Variants in CBFB observed in about 807,000 individuals in gnomAD.
CBFB encodes the protein CBF-beta.
In CBFB, 9 loss-of-function variants were observed where a neutral mutation model predicts 30.4. That is an observed-to-expected ratio of 0.30 (90% CI 0.18 to 0.52). The LOEUF (loss-of-function observed/expected upper bound fraction) is 0.52, where lower values mean the gene tolerates loss of function less well. CBFB is among the 20% of genes least tolerant of loss of function. The probability of loss-of-function intolerance (pLI) is 0.97; values close to 1 mark genes in which losing one functional copy is unlikely to be tolerated. For synonymous variants in CBFB, 94 were observed against 84.0 expected, an observed-to-expected ratio of 1.12 and a Z score of -0.65; for missense variants, 170 against 244.0, an observed-to-expected ratio of 0.70 and a Z score of 2.02.
intron 5 of CBFB, among the ~76,000 whole-genome samples, chr16:67,085,758 A>G (rs1030244343): frequency 6.7e-6 from 1 of 149,728 alleles, no homozygotes; most frequent in African/African-American, 2.5e-5. Context: ...GCTCACTGCA[A>G]GCTCCGCCTC....
chr16:67,048,986 AT>A (rs1330246433), intron 3 of CBFB, among the ~76,000 whole-genome samples: 2 of 150,822 alleles, frequency 1.3e-5, no homozygotes, highest in Admixed American at 6.6e-5. Context: ...TGCTTGGCTA[AT>A]TTTTTGTATT....
intron 5 of CBFB, among the ~76,000 whole-genome samples, chr16:67,086,049 C>G (rs1961724888): frequency 6.6e-6 from 1 of 152,128 alleles, no homozygotes; most frequent in South Asian, 2.1e-4. Flanking sequence ...GGGCTGATAG[C>G]AGCTGAGGAT....
chr16:67,082,859 T>G (rs1248272240), intron 5 of CBFB, among the ~76,000 whole-genome samples: 2 of 152,174 alleles, frequency 1.3e-5, no homozygotes, highest in Admixed American at 6.5e-5. Flanking sequence ...CATTAACAAA[T>G]CTGTAGCTTC....
chr16:67,082,074 C>T, intron 4 of CBFB, 139 bp from the exon 5 acceptor site: 1 of 491,756 alleles, frequency 2.0e-6, no homozygotes. Flanking sequence ...CCGCCTCGGC[C>T]TCCCAAAGTG....
chr16:67,074,093 T>C (rs1961317559), intron 4 of CBFB, among the ~76,000 whole-genome samples: 1 of 151,926 alleles, frequency 6.6e-6, no homozygotes, highest in South Asian at 2.1e-4. Context: ...ACTTAGAAAA[T>C]CTAAGATAAT....
At chr16:67,085,160 G>C (rs1362995764) in intron 5 of CBFB, among the ~76,000 whole-genome samples, 2 of 151,256 alleles carry the variant, frequency 1.3e-5, no homozygotes, top group Non-Finnish European at 2.9e-5. Flanking sequence ...GTGTGTGTGT[G>C]TCTCTGTGTG....
In CBFB at chr16:67,037,702, C is replaced by G. The variant is rs1170863702; in HGVS notation, c.282+947C>G. ...TTTTTTTTTGAGATGGAGTCTCCCT[C>G]TGTTGCCCAGGCTGGAGTGCAGTGG... On this transcript the variant is annotated intron_variant, in intron 3 of 5. Transcript: ENST00000412916. 2.9e-5 allele frequency among the ~76,000 whole-genome samples: 4 copies of G among 138,716 alleles called. No individual in the cohort carries two copies. The East Asian group carries it at 6.3e-4, about 22-fold the overall frequency. 91.0% of individuals were successfully genotyped at this position (138,716 alleles called of 152,430 possible). A position where few individuals can be genotyped will look rare whatever the true frequency, so the allele number is the denominator to read the frequency against.
chr16:67,064,164 C>T (rs909152943), intron 3 of CBFB, among the ~76,000 whole-genome samples: 1 of 152,112 alleles, frequency 6.6e-6, no homozygotes, highest in African/African-American at 2.4e-5. Context: ...TATTCAGAAA[C>T]TCATGTTAAA....
intron 2 of CBFB, 151 bp downstream of exon 2, chr16:67,029,964 C>G (rs1966306233): frequency 2.0e-6 from 1 of 497,150 alleles, no homozygotes; most frequent in Non-Finnish European, 3.4e-6. Context: ...AATGCGAAAC[C>G]AGATGCCGCG....
intron 3 of CBFB, among the ~76,000 whole-genome samples, chr16:67,054,617 A>G (rs2145735510): frequency 6.6e-6 from 1 of 152,220 alleles, no homozygotes; most frequent in East Asian, 1.9e-4. Flanking sequence ...TGTTAGACCC[A>G]CAGGAATGAT....
chr16:67,065,385 G>A (rs1454723859), intron 3 of CBFB, among the ~76,000 whole-genome samples: 2 of 152,030 alleles, frequency 1.3e-5, no homozygotes, highest in African/African-American at 2.4e-5. Flanking sequence ...ACTTATTTTC[G>A]ATATTTCTCT....
intron 3 of CBFB, among the ~76,000 whole-genome samples, chr16:67,052,871 G>A (rs185447703): frequency 3.9e-5 from 6 of 152,144 alleles, no homozygotes; most frequent in East Asian, 1.9e-4. Context: ...GCTGAGGCAG[G>A]AGGATCCCTT....
chr16:67,029,422 G>A lies in CBFB; in HGVS notation c.15G>A (p.Val5=). MPRV[V]PDQRSKFENE... is the part of the protein sequence containing the mutation. Reference sequence around the variant, plus strand: ...AGGGCGGGAAGATGCCGCGCGTCGTGCCCGACCAGAGAAGCAAGTTCGAGA... The same window carrying A: ...AGGGCGGGAAGATGCCGCGCGTCGTACCCGACCAGAGAAGCAAGTTCGAGA... The change falls in exon 1 of 6, where the codon GTG becomes GTA. Residue 5 remains valine (V), a synonymous_variant. Transcript: ENST00000412916. 1 of 1,575,140 alleles carries A rather than the reference G, an allele frequency of 6.3e-7. No homozygotes were observed. The highest frequency in any genetic ancestry group is 8.6e-7 in the Non-Finnish European group (1 of 1,163,248).
intron 4 of CBFB, chr16:67,067,100 AG>A (rs1311300251): frequency 5.8e-6 from 1 of 172,074 alleles, no homozygotes; most frequent in Non-Finnish European, 1.2e-5. Context: ...TAGGGAAAAA[AG>A]AAAAAACTGT....
chr16:67,081,550 C>T (rs1230557796), intron 4 of CBFB, among the ~76,000 whole-genome samples: 1 of 151,912 alleles, frequency 6.6e-6, no homozygotes, highest in East Asian at 1.9e-4. Flanking sequence ...ACCTGTAATC[C>T]CAGCACTTTG....
chr16:67,060,815 C>CA (rs1960891561), intron 3 of CBFB, among the ~76,000 whole-genome samples: 1 of 152,300 alleles, frequency 6.6e-6, no homozygotes, highest in South Asian at 2.1e-4. Context: ...TCGCCTCCCA[C>CA]AGTGCTGGAA....
At chr16:67,035,855 A>C (rs1434854220) in intron 2 of CBFB, among the ~76,000 whole-genome samples, 1 of 152,162 alleles carries the variant, frequency 6.6e-6, no homozygotes, top group Admixed American at 6.5e-5. Context: ...GAAAGGGGTA[A>C]TGTCTTTGTT....
At chr16:67,077,657 T>C (rs1350678207) in intron 4 of CBFB, among the ~76,000 whole-genome samples, 1 of 152,196 alleles carries the variant, frequency 6.6e-6, no homozygotes, top group Non-Finnish European at 1.5e-5. Flanking sequence ...ATCAACTGTC[T>C]TGGAAAAAAA....
At chr16:67,055,568 T>A (rs1597137317) in intron 3 of CBFB, among the ~76,000 whole-genome samples, 2 of 151,788 alleles carry the variant, frequency 1.3e-5, no homozygotes, top group African/African-American at 4.8e-5. Context: ...GTGTTAGCCA[T>A]GATGGTCTCG....
Sources: gnomAD v4.1 joint callset for allele counts (sites outside exome capture counted in the v4.1 genomes callset) on GRCh38, gnomAD v4.1.1 for gene constraint, MANE v1.5 for transcripts, NCBI Gene and HGNC (gene_info 2026-07-23, HGNC 2026-07-21) for gene names.